FRMD6: variants seen among roughly 807,000 people sequenced by gnomAD.
FRMD6 encodes the protein FERM domain containing 6.
A neutral mutation model predicts 73.2 loss-of-function variants in FRMD6; 37 were observed. The observed-to-expected ratio is 0.51, with a 90% CI of 0.39 to 0.66. The LOEUF is 0.66. Among genes scored for constraint, FRMD6 ranks in the 30% least tolerant of loss-of-function variants. The pLI, the probability that FRMD6 is intolerant of heterozygous loss-of-function variation, is 0.00. For missense variants in FRMD6, 714 were observed against 780.5 expected (o/e 0.91, Z 1.02); for synonymous variants, 273 against 282.2 (o/e 0.97, Z 0.33).
At chr14:51,513,313 A>G (rs949159118) in intron 1 of FRMD6, among the ~76,000 whole-genome samples, 47 of 152,252 alleles carry the variant, frequency 3.1e-4, no homozygotes, top group Admixed American at 2.6e-3. Flanking sequence ...CAAGAAGAGA[A>G]GAGCCATCCC....
the FRMD6 span, among the ~76,000 whole-genome samples, chr14:51,409,404 T>C: frequency 4.1e-5 from 6 of 147,956 alleles, no homozygotes; most frequent in East Asian, 1.2e-3. Context: ...CATCAACTAT[T>C]CTAAAAAGAT....
chr14:51,427,984 G>T, the FRMD6 span, among the ~76,000 whole-genome samples: 4 of 152,188 alleles, frequency 2.6e-5, no homozygotes, highest in Admixed American at 6.5e-5. Flanking sequence ...GGTACATCCA[G>T]TGGATGTGAA....
At chr14:51,516,518 G>A (rs889097509) in intron 1 of FRMD6, among the ~76,000 whole-genome samples, 7 of 152,278 alleles carry the variant, frequency 4.6e-5, no homozygotes, top group Non-Finnish European at 7.3e-5. Context: ...GTATATGTGT[G>A]TGCACATGTG....
At chr14:51,459,669 T>C in the FRMD6 span, among the ~76,000 whole-genome samples, 1 of 151,484 alleles carries the variant, frequency 6.6e-6, no homozygotes, top group Non-Finnish European at 1.5e-5. Flanking sequence ...CCACTAAAAA[T>C]ACAAAAAAAT....
intron 1 of FRMD6, among the ~76,000 whole-genome samples, chr14:51,525,661 G>A (rs1885211204): frequency 6.6e-6 from 1 of 152,048 alleles, no homozygotes; most frequent in South Asian, 2.1e-4. Context: ...TATTCTGGTG[G>A]AACTCCCTTT....
At chr14:51,434,566 T>A in the FRMD6 span, among the ~76,000 whole-genome samples, 2 of 133,030 alleles carry the variant, frequency 1.5e-5, no homozygotes, top group Non-Finnish European at 1.7e-5. Context: ...CATGAGTAAT[T>A]GAGAAAGGAC....
intron 1 of FRMD6, among the ~76,000 whole-genome samples, chr14:51,501,337 A>G (rs1332596131): frequency 2.0e-5 from 3 of 152,178 alleles, no homozygotes; most frequent in Non-Finnish European, 4.4e-5. Flanking sequence ...CCCAGCATCC[A>G]TAAACTATGC....
chr14:51,665,479 C>G (rs1482414042), intron 1 of FRMD6, among the ~76,000 whole-genome samples: 1 of 152,162 alleles, frequency 6.6e-6, no homozygotes, highest in African/African-American at 2.4e-5. Context: ...TGCGTACACA[C>G]TTCGTCTACC....
chr14:51,576,986 G>A (rs1715555368), intron 2 of FRMD6, among the ~76,000 whole-genome samples: 1 of 152,182 alleles, frequency 6.6e-6, no homozygotes, highest in African/African-American at 2.4e-5. Context: ...GCAAATGTAA[G>A]GTGTTGTTAT....
chr14:51,717,193 G>C (rs1219817025), intron 10 of FRMD6: 1 of 152,186 alleles, frequency 6.6e-6, no homozygotes, highest in African/African-American at 2.4e-5. Flanking sequence ...TTGTGCTGCT[G>C]TAACAAAAGA....
At chr14:51,435,809 C>T in the FRMD6 span, among the ~76,000 whole-genome samples, 1 of 152,056 alleles carries the variant, frequency 6.6e-6, no homozygotes, top group Non-Finnish European at 1.5e-5. Flanking sequence ...ATGTTCTCAA[C>T]ACAAAAAATG....
intron 1 of FRMD6, among the ~76,000 whole-genome samples, chr14:51,541,371 A>G (rs532027658): frequency 6.6e-6 from 1 of 152,204 alleles, no homozygotes; most frequent in African/African-American, 2.4e-5. Context: ...ACTCATCTAG[A>G]TTCTGGGAAA....
chr14:51,706,475 G>C (rs1350845481), intron 6 of FRMD6, among the ~76,000 whole-genome samples: 1 of 152,072 alleles, frequency 6.6e-6, no homozygotes, highest in Non-Finnish European at 1.5e-5. Flanking sequence ...TATAGTCCCT[G>C]CCAGCCATTC....
the FRMD6 span, chr14:51,436,891 T>G: frequency 1.1e-6 from 1 of 921,662 alleles, no homozygotes; most frequent in Non-Finnish European, 1.6e-6. Flanking sequence ...AAGAAGGGGA[T>G]GAGGATGAAG....
chr14:51,601,562 C>A (rs908129442), intron 2 of FRMD6, among the ~76,000 whole-genome samples: 1 of 152,138 alleles, frequency 6.6e-6, no homozygotes, highest in African/African-American at 2.4e-5. Context: ...TGGAGCTTTA[C>A]AAATCTCTAG....
chr14:51,544,989 G>T (rs1280159432), intron 1 of FRMD6, among the ~76,000 whole-genome samples: 1 of 152,056 alleles, frequency 6.6e-6, no homozygotes, highest in Non-Finnish European at 1.5e-5. Flanking sequence ...TTTGGAAAGG[G>T]TTGTATTAAT....
At chr14:51,398,393 T>C in the FRMD6 span, among the ~76,000 whole-genome samples, 2 of 152,322 alleles carry the variant, frequency 1.3e-5, no homozygotes, top group African/African-American at 4.8e-5. Context: ...AAAGCCAATT[T>C]TCTTTAGCTC....
At chr14:51,437,359 G>A in the FRMD6 span, among the ~76,000 whole-genome samples, 1 of 151,778 alleles carries the variant, frequency 6.6e-6, no homozygotes, top group South Asian at 2.1e-4. Flanking sequence ...CTGGAGTGCA[G>A]TGGCGCGATC....
At chr14:51,596,971 G>A (rs932788822) in intron 2 of FRMD6, among the ~76,000 whole-genome samples, 1 of 152,118 alleles carries the variant, frequency 6.6e-6, no homozygotes, top group Admixed American at 6.5e-5. Flanking sequence ...AAACTGCATC[G>A]CATTTAACTA....
Sources: gnomAD v4.1 joint callset for allele counts (sites outside exome capture counted in the v4.1 genomes callset) on GRCh38, gnomAD v4.1.1 for gene constraint, MANE v1.5 for transcripts, NCBI Gene and HGNC (gene_info 2026-07-23, HGNC 2026-07-21) for gene names.